The following NEGR1 variants were observed in gnomAD, a reference collection of about 807,000 sequenced individuals.
The protein encoded by NEGR1 is neuronal growth regulator 1, also known as IgLON family member 4.
Under a neutral mutation model 40.9 loss-of-function variants are expected in NEGR1, and 10 were observed. That is an observed-to-expected ratio of 0.24 (90% CI 0.15 to 0.42). The LOEUF is 0.42. NEGR1 is among the 10% of genes least tolerant of loss of function. The pLI, the probability that NEGR1 is intolerant of heterozygous loss-of-function variation, is 1.00. For synonymous variants in NEGR1, 185 were observed against 166.8 expected (o/e 1.11, Z -0.84); for missense variants, 352 against 438.9 (o/e 0.80, Z 1.77).
chr1:71,563,894 G>C (rs576913029), intron 6 of NEGR1, among the ~76,000 whole-genome samples: 6 of 151,638 alleles, frequency 4.0e-5, no homozygotes, highest in Admixed American at 2.6e-4. Context: ...ATACACTGTT[G>C]GTGTCCTTTG....
chr1:71,940,037 T>C (rs1164412004), intron 1 of NEGR1, among the ~76,000 whole-genome samples: 1 of 152,086 alleles, frequency 6.6e-6, no homozygotes, highest in Non-Finnish European at 1.5e-5. Context: ...TCAGGGGGAC[T>C]ACCTGTTTAG....
chr1:71,920,822 A>C (rs769625781), intron 2 of NEGR1, among the ~76,000 whole-genome samples: 6 of 152,176 alleles, frequency 3.9e-5, no homozygotes, highest in East Asian at 3.9e-4. Flanking sequence ...TAGACAGCTC[A>C]CAGCTCCCAG....
At chr1:71,470,316 G>T (rs887118315) in intron 6 of NEGR1, among the ~76,000 whole-genome samples, 13 of 152,038 alleles carry the variant, frequency 8.6e-5, no homozygotes, top group Non-Finnish European at 1.8e-4. Flanking sequence ...ATGTGTTTTA[G>T]GTACTTTGTA....
intron 2 of NEGR1, among the ~76,000 whole-genome samples, chr1:71,827,141 C>T (rs1445460614): frequency 6.6e-6 from 1 of 151,180 alleles, no homozygotes; most frequent in East Asian, 2.0e-4. Context: ...CAGTAAATAG[C>T]CAATGACTTT....
intron 1 of NEGR1, among the ~76,000 whole-genome samples, chr1:71,995,071 T>A (rs1179315464): frequency 6.6e-6 from 1 of 151,844 alleles, no homozygotes; most frequent in African/African-American, 2.4e-5. Context: ...GAACACTATT[T>A]AAGATCAAAT....
At chr1:71,977,093 C>T (rs535544145) in intron 1 of NEGR1, among the ~76,000 whole-genome samples, 23 of 152,154 alleles carry the variant, frequency 1.5e-4, no homozygotes, top group South Asian at 2.1e-4. Context: ...GAGGCCGAGG[C>T]GGGTGGACTG....
At chr1:72,275,918 A>G (rs1656034972) in intron 1 of NEGR1, among the ~76,000 whole-genome samples, 1 of 151,998 alleles carries the variant, frequency 6.6e-6, no homozygotes, top group Admixed American at 6.6e-5. Flanking sequence ...GCAACACAGT[A>G]AGACACCATC....
At chr1:72,197,248 A>T (rs1280727631) in intron 1 of NEGR1, among the ~76,000 whole-genome samples, 2 of 152,000 alleles carry the variant, frequency 1.3e-5, no homozygotes, top group African/African-American at 4.8e-5. Flanking sequence ...TTAGAAAATC[A>T]TATTCTTTAG....
chr1:71,617,214 C>G (rs143629975), intron 4 of NEGR1, among the ~76,000 whole-genome samples: 3 of 152,158 alleles, frequency 2.0e-5, no homozygotes, highest in African/African-American at 7.2e-5. Context: ...TCCTGCCTAC[C>G]ACTAAGGATA....
rs867211073 is a variant in NEGR1 at position 72,236,429 on chromosome 1, A to T, written c.176+45890T>A. 2.6e-5 allele frequency among the ~76,000 whole-genome samples: 4 copies of T among 151,404 alleles called. No homozygotes were observed. The Middle Eastern group carries it at 0.01, about 386-fold the overall frequency. ...CATGTATCCCAGAACTTAAAGTATA[A>T]TAAAAAAAAGAAGAAGAAGAAAAAA... On this transcript the variant is annotated intron_variant, in intron 1 of 6. Coordinates refer to ENST00000357731, the MANE Select transcript of NEGR1 (RefSeq NM_173808.3).
intron 1 of NEGR1, among the ~76,000 whole-genome samples, chr1:72,160,176 T>C (rs887356328): frequency 6.6e-6 from 1 of 152,156 alleles, no homozygotes; most frequent in African/African-American, 2.4e-5. Context: ...CAAGGTTTCA[T>C]TCCTTTTTCC....
intron 3 of NEGR1, among the ~76,000 whole-genome samples, chr1:71,718,474 A>G (rs1411369844): frequency 6.6e-6 from 1 of 151,902 alleles, no homozygotes; most frequent in Admixed American, 6.6e-5. Context: ...AGTCAATTAA[A>G]CCTCTTTTCT....
chr1:71,696,834 T>A (rs1653489939), intron 4 of NEGR1, among the ~76,000 whole-genome samples: 1 of 151,790 alleles, frequency 6.6e-6, no homozygotes, highest in Non-Finnish European at 1.5e-5. Flanking sequence ...TTTAATGAGT[T>A]TCTTTGGCAA....
In NEGR1 at chr1:71,849,736, C is replaced by A. The variant is rs1236468712; in HGVS notation, c.410-73439G>T. Among the ~76,000 whole-genome samples, 5 of 152,124 alleles carry A rather than the reference C, an allele frequency of 3.3e-5. No homozygotes were observed. In the East Asian group the frequency reaches 7.7e-4, roughly 23 times the overall value. ...CCACAGTCACCCCAACCTTCAGCAACCACCCCCCATCAACATGGAGGCAAG... is the reference window on the plus strand; with the variant it reads ...CCACAGTCACCCCAACCTTCAGCAAACACCCCCCATCAACATGGAGGCAAG... On this transcript the variant is annotated intron_variant, in intron 2 of 6. Transcript: ENST00000357731.
At chr1:71,953,203 C>T (rs2801332) in intron 1 of NEGR1, among the ~76,000 whole-genome samples, 5,569 of 151,942 alleles carry the variant, frequency 0.037, 337 homozygotes, top group African/African-American at 0.13. Flanking sequence ...ATTTCTCTGA[C>T]GGATATGGGC....
rs552532083 is a variant in NEGR1, at chr1:72,251,633, T to C, written c.176+30686A>G. ...AATGTAAATGCTATGTCAATCATTGTTATACTGTATTGTTTAGGGAATAAT... is the reference window on the plus strand; with the variant it reads ...AATGTAAATGCTATGTCAATCATTGCTATACTGTATTGTTTAGGGAATAAT... On this transcript the variant is annotated intron_variant, in intron 1 of 6. Coordinates refer to ENST00000357731, the MANE Select transcript of NEGR1 (RefSeq NM_173808.3). Among the ~76,000 whole-genome samples the C allele has an allele frequency of 1.1e-4, 16 of 152,278 alleles. No individual in the cohort carries two copies. In the South Asian group the frequency reaches 3.3e-3, roughly 32 times the overall value.
intron 4 of NEGR1, among the ~76,000 whole-genome samples, chr1:71,633,450 G>A (rs1264363070): frequency 6.6e-6 from 1 of 152,080 alleles, no homozygotes; most frequent in Non-Finnish European, 1.5e-5. Context: ...GGGAAGAATG[G>A]AATGGAGGAG....
Position 71,402,002 on chromosome 1 carries a change from AT to A in NEGR1, c.*5443del, listed in dbSNP as rs889657390. The A allele has an allele frequency of 6.6e-6, 1 of 151,910 alleles. No individual in the cohort carries two copies. The highest frequency in any genetic ancestry group is 1.5e-5 in the Non-Finnish European group (1 of 67,978). The allele number at this position is 151,910 out of a possible 1,614,324, so 9.4% of individuals were successfully genotyped here. On this transcript the variant is annotated 3_prime_UTR_variant, in exon 7 of 7. Coordinates refer to ENST00000357731, the MANE Select transcript of NEGR1 (RefSeq NM_173808.3). ...ATAAATATCTATATTTATATTTAAA[AT>A]GTGCTTATATTTATATAAATATATA...
chr1:71,747,010 G>C (rs1655408560), intron 3 of NEGR1, among the ~76,000 whole-genome samples: 1 of 152,180 alleles, frequency 6.6e-6, no homozygotes, highest in Admixed American at 6.5e-5. Flanking sequence ...AAAGGATATA[G>C]CTAGTGTAAA....
Sources: gnomAD v4.1 joint callset for allele counts (sites outside exome capture counted in the v4.1 genomes callset) on GRCh38, gnomAD v4.1.1 for gene constraint, MANE v1.5 for transcripts, NCBI Gene and HGNC (gene_info 2026-07-23, HGNC 2026-07-21) for gene names.